The following FER1L6 variants were observed in gnomAD, a reference collection of about 807,000 sequenced individuals.
FER1L6 encodes the protein fer-1-like protein 6.
FER1L6 carries 177 observed loss-of-function variants against 219.2 expected under a neutral mutation model. The observed-to-expected ratio is 0.81, with a 90% confidence interval of 0.71 to 0.91. FER1L6 has a LOEUF of 0.91. FER1L6 is among the 40% of genes least tolerant of loss of function. The pLI is 0.00. For synonymous variants in FER1L6, 768 were observed against 824.3 expected, an observed-to-expected ratio of 0.93 and a Z score of 1.17; for missense variants, 2,153 against 2,259.9, an observed-to-expected ratio of 0.95 and a Z score of 0.96.
intron 5 of FER1L6, among the ~76,000 whole-genome samples, chr8:123,968,908 T>G (rs1815674789): frequency 6.6e-6 from 1 of 152,174 alleles, no homozygotes; most frequent in African/African-American, 2.4e-5. Context: ...ATTCTTCCAC[T>G]CTACAGCTCA....
At chr8:123,958,589 C>A (rs1383353882) in intron 2 of FER1L6, among the ~76,000 whole-genome samples, 1 of 152,120 alleles carries the variant, frequency 6.6e-6, no homozygotes, top group East Asian at 1.9e-4. Context: ...CCTACATAAA[C>A]ATCTTTGTAA....
chr8:123,943,229 G>T (rs1814335184), intron 1 of FER1L6, among the ~76,000 whole-genome samples: 2 of 152,222 alleles, frequency 1.3e-5, no homozygotes, highest in South Asian at 2.1e-4. Context: ...ATGAGCAGGG[G>T]GTGGTGAACA....
chr8:123,886,003 T>G (rs1256749043), intron 1 of FER1L6, among the ~76,000 whole-genome samples: 2 of 152,240 alleles, frequency 1.3e-5, no homozygotes, highest in African/African-American at 2.4e-5. Context: ...TCTTACATAC[T>G]TCTTCACATG....
At chr8:123,899,663 T>G (rs1198536537) in intron 1 of FER1L6, among the ~76,000 whole-genome samples, 1 of 152,176 alleles carries the variant, frequency 6.6e-6, no homozygotes, top group East Asian at 1.9e-4. Context: ...TTTAAGTCCT[T>G]GAGTTGACTT....
Position 124,091,592 on chromosome 8 carries a change from C to G in FER1L6, c.4552+9C>G. 1 of 1,610,502 alleles carries G rather than the reference C, an allele frequency of 6.2e-7. No individual in the cohort carries two copies. Among genetic ancestry groups the G allele is most frequent in the Non-Finnish European group, 8.5e-7 (1 of 1,178,300 alleles). On this transcript the variant is annotated intron_variant, in intron 34 of 40. Transcript: ENST00000522917. The stretch of plus-strand genomic sequence containing the variant: ...CACTGAAGAGGACACTGGTAACTCC[C>G]TGCAAAATATCCTGCTGGTGTTGCT...
At chr8:124,028,860 G>A (rs1818831007) in intron 18 of FER1L6, among the ~76,000 whole-genome samples, 1 of 152,206 alleles carries the variant, frequency 6.6e-6, no homozygotes, top group South Asian at 2.1e-4. Flanking sequence ...ATGGTGGTTT[G>A]CTGCACCTAT....
At chr8:123,952,096 C>G (rs1030200117) in intron 1 of FER1L6, among the ~76,000 whole-genome samples, 13 of 151,266 alleles carry the variant, frequency 8.6e-5, no homozygotes, top group African/African-American at 3.1e-4. Context: ...ACGTGTACAG[C>G]TTTTAATAGT....
chr8:124,035,864 T>C, intron 19 of FER1L6: 1 of 158,416 alleles, frequency 6.3e-6, no homozygotes, highest in East Asian at 1.9e-4. Context: ...GATATTCACA[T>C]TTCCTAGTAG....
intron 23 of FER1L6, 40 bp from the exon 24 acceptor site, chr8:124,060,508 C>T (rs761010586): frequency 8.1e-6 from 13 of 1,607,568 alleles, no homozygotes; most frequent in South Asian, 6.6e-5. Context: ...GGGGCTCCTC[C>T]GTGGATCTGT....
Position 123,906,609 on chromosome 8 carries a change from G to A in FER1L6, c.-7-49383G>A, listed in dbSNP as rs543080788. Among the ~76,000 whole-genome samples, 41 of 151,996 alleles carry A rather than the reference G, an allele frequency of 2.7e-4. 1 individual carries two copies. The South Asian group carries it at 7.3e-3, about 27-fold the overall frequency. Reference sequence around the variant, plus strand: ...GTGGTCAGGAGTTCAAGACCAGCCCGGCCAACACAGAGAAACCCCATCTCT... The same window carrying A: ...GTGGTCAGGAGTTCAAGACCAGCCCAGCCAACACAGAGAAACCCCATCTCT... On this transcript the variant is annotated intron_variant, in intron 1 of 40. Coordinates refer to ENST00000522917, the MANE Select transcript of FER1L6 (RefSeq NM_001039112.2).
chr8:124,038,324 T>G (rs191260272), intron 19 of FER1L6, among the ~76,000 whole-genome samples: 2 of 152,364 alleles, frequency 1.3e-5, no homozygotes, highest in East Asian at 3.9e-4. Flanking sequence ...TGTGAATGAT[T>G]GCTTTGCGTG....
chr8:123,859,337 T>G (rs1348285542), intron 1 of FER1L6, among the ~76,000 whole-genome samples: 1 of 151,936 alleles, frequency 6.6e-6, no homozygotes, highest in African/African-American at 2.4e-5. Flanking sequence ...TTGATCTATG[T>G]GTACATTATG....
chr8:123,861,801 A>G (rs969609155), intron 1 of FER1L6, among the ~76,000 whole-genome samples: 1 of 143,650 alleles, frequency 7.0e-6, no homozygotes, highest in African/African-American at 2.7e-5. Flanking sequence ...GTGTATAGGA[A>G]TGCTTGTGAT....
At chr8:124,069,805 G>A (rs1033963775) in intron 29 of FER1L6, among the ~76,000 whole-genome samples, 2 of 152,172 alleles carry the variant, frequency 1.3e-5, no homozygotes, top group Non-Finnish European at 2.9e-5. Flanking sequence ...CAAGGTAACA[G>A]GAGATTTAAC....
chr8:123,926,310 C>T (rs1309972842), intron 1 of FER1L6, among the ~76,000 whole-genome samples: 1 of 152,118 alleles, frequency 6.6e-6, no homozygotes, highest in Non-Finnish European at 1.5e-5. Flanking sequence ...TTAAGAATCC[C>T]GGTGGCTTAC....
chr8:124,020,335 C>T (rs553433196), intron 16 of FER1L6, among the ~76,000 whole-genome samples: 17 of 152,152 alleles, frequency 1.1e-4, no homozygotes, highest in South Asian at 2.1e-4. Context: ...GACTAATACA[C>T]CGGCTTTAGG....
intron 1 of FER1L6, among the ~76,000 whole-genome samples, chr8:123,935,497 C>A (rs549626714): frequency 2.0e-4 from 30 of 152,298 alleles, no homozygotes; most frequent in Non-Finnish European, 4.0e-4. Context: ...CTGGCAAATA[C>A]CTCTCTGAAT....
chr8:123,996,253 T>C (rs1817126680), intron 12 of FER1L6, among the ~76,000 whole-genome samples: 3 of 152,206 alleles, frequency 2.0e-5, no homozygotes, highest in South Asian at 4.1e-4. Context: ...AAGTAGGGTA[T>C]TGAAGTCTCC....
intron 1 of FER1L6, among the ~76,000 whole-genome samples, chr8:123,899,398 T>G (rs1476926402): frequency 6.6e-6 from 1 of 152,140 alleles, no homozygotes; most frequent in South Asian, 2.1e-4. Flanking sequence ...GGTTGTAGAT[T>G]CTGGATATTA....
Sources: allele counts gnomAD v4.1 joint callset (sites outside exome capture counted in the v4.1 genomes callset), GRCh38; gene constraint gnomAD v4.1.1; transcripts MANE v1.5; gene names NCBI Gene and HGNC (gene_info 2026-07-23, HGNC 2026-07-21).